Variants in GPX7 observed in about 807,000 individuals in gnomAD.
GPX7 encodes protein peroxidase GPX7.
GPX7 carries 21 observed loss-of-function variants against 23.7 expected under a neutral mutation model. That is an observed-to-expected ratio of 0.89 (90% CI 0.63 to 1.28). The LOEUF is 1.28. GPX7 is among the 50% of genes most tolerant of loss of function. The probability of loss-of-function intolerance (pLI) is 0.00; values close to 1 mark genes in which losing one functional copy is unlikely to be tolerated. For missense variants in GPX7, 238 were observed against 237.3 expected (o/e 1.00, Z -0.02); for synonymous variants, 112 against 101.8 (o/e 1.10, Z -0.61).
At position 52,608,645 on chromosome 1, in the gene GPX7, C is replaced by T; in HGVS notation, c.*220C>T. ...CTCCTGGCCAATGAGAGCTCTTGAC[C>T]AGTGAATCACCAGCCGATACGAACG... On this transcript the variant is annotated 3_prime_UTR_variant, in exon 3 of 3. Coordinates refer to ENST00000361314, the MANE Select transcript of GPX7 (RefSeq NM_015696.5). The T allele has an allele frequency of 2.9e-6, 1 of 342,594 alleles. No homozygotes were observed. The highest frequency in any genetic ancestry group is 5.3e-6 in the Non-Finnish European group (1 of 188,940). 21.2% of individuals were successfully genotyped at this position (342,594 alleles called of 1,614,324 possible). A position where few individuals can be genotyped will look rare whatever the true frequency, so the allele number is the denominator to read the frequency against.
Position 52,602,544 on chromosome 1 carries a change from A to C in GPX7, c.135A>C (p.Gly45=), listed in dbSNP as rs150886014. The part of the protein sequence containing the change: ...GKLVSLEKYR[G]SVSLVVNVAS... ...TGGTGTCGCTGGAGAAGTACCGCGG[A>C]TCGGTGAGTGCGCGGGGTCTGGCGG... The change falls in exon 1 of 3, where the codon GGA becomes GGC. Residue 45 remains glycine, a synonymous_variant. Coordinates refer to ENST00000361314, the MANE Select transcript of GPX7 (RefSeq NM_015696.5). 16 of 1,556,578 alleles carry C rather than the reference A, an allele frequency of 1.0e-5. No individual in the cohort carries two copies. In the African/African-American group the frequency reaches 1.4e-4, roughly 14 times the overall value.
At chr1:52,605,092 G>A (rs1487761824) in intron 1 of GPX7, among the ~76,000 whole-genome samples, 1 of 150,740 alleles carries the variant, frequency 6.6e-6, no homozygotes, top group Non-Finnish European at 1.5e-5. Context: ...TCATTGCCCA[G>A]GGATCCAGCA....
In GPX7 at chr1:52,608,286, G is replaced by A; in HGVS notation, c.425G>A (p.Trp142Ter). The A allele has an allele frequency of 2.5e-6, 4 of 1,612,880 alleles. No homozygotes were observed. The highest frequency in any genetic ancestry group is 1.1e-5 in the South Asian group (1 of 91,002). ...LAQTSGKEPTWNFWKYLVAPD... is the reference protein window; with the variant it reads ...LAQTSGKEPT ...GAGACTTCTGGGAAGGAGCCCACCT[G>A]GAACTTCTGGAAGTACCTAGTAGCC... is the stretch of plus-strand genomic sequence containing the variant. Residue 142 changes from tryptophan to a stop codon, truncating the protein, a stop_gained, in exon 3 of 3, where the codon TGG becomes TAG. Transcript: ENST00000361314. LOFTEE classifies it high-confidence loss of function.
chr1:52,607,036 G>A lies in GPX7; in HGVS notation c.400+91G>A. 5 of 1,448,118 alleles carry A rather than the reference G, an allele frequency of 3.5e-6. No individual in the cohort carries two copies. The South Asian group carries it at 3.8e-5, about 11-fold the overall frequency. 89.7% of individuals were successfully genotyped at this position (1,448,118 alleles called of 1,614,324 possible). On this transcript the variant is annotated intron_variant, in intron 2 of 2. Transcript: ENST00000361314. ...AGCAGAAGCCACTGGCTGGTTGGGT[G>A]ACCTGGGGCCCCTTCCCCTTCCTGA...
chr1:52,603,710 G>A (rs1198501426), intron 1 of GPX7, among the ~76,000 whole-genome samples: 2 of 152,182 alleles, frequency 1.3e-5, no homozygotes, highest in African/African-American at 2.4e-5. Flanking sequence ...TGAAATTTTC[G>A]ATTATGCTGG....
chr1:52,604,596 A>G (rs1374756222), intron 1 of GPX7, among the ~76,000 whole-genome samples: 1 of 152,112 alleles, frequency 6.6e-6, no homozygotes, highest in Admixed American at 6.5e-5. Flanking sequence ...CTGTGCTTGT[A>G]TATGTACATA....
At chr1:52,604,295 G>C (rs1217919603) in intron 1 of GPX7, among the ~76,000 whole-genome samples, 1 of 152,214 alleles carries the variant, frequency 6.6e-6, no homozygotes, top group Non-Finnish European at 1.5e-5. Flanking sequence ...GTCCAGAAAA[G>C]CTGTAATTGG....
At chr1:52,606,104 A>G (rs775899385) in intron 1 of GPX7, among the ~76,000 whole-genome samples, 9 of 152,142 alleles carry the variant, frequency 5.9e-5, no homozygotes, top group Non-Finnish European at 1.0e-4. Flanking sequence ...GTGCACACTT[A>G]CTCATTCATC....
chr1:52,607,861 G>T (rs1049307274), intron 2 of GPX7, among the ~76,000 whole-genome samples: 1 of 138,854 alleles, frequency 7.2e-6, no homozygotes, highest in African/African-American at 2.5e-5. Flanking sequence ...CAGGGCCCAA[G>T]AATCTTTATT....
At chr1:52,602,600 G>A (rs1277493927) in intron 1 of GPX7, 53 bp downstream of exon 1, 3 of 1,240,998 alleles carry the variant, frequency 2.4e-6, no homozygotes, top group Non-Finnish European at 3.3e-6. Flanking sequence ...CCCTGGCGGG[G>A]CCTGCTGGGG....
At position 52,606,953 on chromosome 1, in the gene GPX7, C is replaced by G; in HGVS notation, c.400+8C>G. The G allele has an allele frequency of 6.2e-7, 1 of 1,613,304 alleles. No homozygotes were observed. The highest frequency in any genetic ancestry group is 8.5e-7 in the Non-Finnish European group (1 of 1,179,356). On this transcript the variant is annotated splice_region_variant and intron_variant, in intron 2 of 2. Transcript: ENST00000361314. ...CCTTCAAGTACCTGGCCCGTAAGTC[C>G]TGGTCTCTTCATCCCCTCACACCTC... is the stretch of plus-strand genomic sequence containing the variant.
Position 52,608,602 on chromosome 1 carries a change from T to C in GPX7, c.*177T>C, listed in dbSNP as rs1690880526. 4.5e-6 allele frequency: 2 copies of C among 442,660 alleles called. No homozygotes were observed. The highest frequency in any genetic ancestry group is 6.3e-5 in the South Asian group (1 of 15,858). The allele number at this position is 442,660 out of a possible 1,614,324, so 27.4% of individuals were successfully genotyped here. The stretch of plus-strand genomic sequence containing the variant: ...TCTAGTATTTTGATTATTTGAATCT[T>C]ACAGCAACAAATAGGAACTCCTGGC... On this transcript the variant is annotated 3_prime_UTR_variant, in exon 3 of 3. Transcript: ENST00000361314.
intron 1 of GPX7, 60 bp downstream of exon 1, chr1:52,602,607 G>C (rs1367817286): frequency 7.8e-6 from 9 of 1,154,350 alleles, no homozygotes; most frequent in Non-Finnish European, 9.4e-6. Flanking sequence ...GGGGCCTGCT[G>C]GGGACGCCCC....
Position 52,608,278 on chromosome 1 carries a change from G to A in GPX7, c.417G>A (p.Glu139=), listed in dbSNP as rs753562410. The A allele has an allele frequency of 6.2e-7, 1 of 1,612,206 alleles. No homozygotes were observed. Among genetic ancestry groups the A allele is most frequent in the African/African-American group, 1.3e-5 (1 of 74,788 alleles). ...TTTCTCTAGAGACTTCTGGGAAGGAGCCCACCTGGAACTTCTGGAAGTACC... is the reference window on the plus strand; with the variant it reads ...TTTCTCTAGAGACTTCTGGGAAGGAACCCACCTGGAACTTCTGGAAGTACC... The part of the protein sequence containing the change: ...FKYLAQTSGK[E]PTWNFWKYLV... The change falls in exon 3 of 3, where the codon GAG becomes GAA. Residue 139 remains glutamate (E), a synonymous_variant. Coordinates refer to ENST00000361314, the MANE Select transcript of GPX7 (RefSeq NM_015696.5).
intron 2 of GPX7, 23 bp downstream of exon 2, chr1:52,606,968 C>A: frequency 6.2e-7 from 1 of 1,608,854 alleles, no homozygotes; most frequent in South Asian, 1.1e-5. Flanking sequence ...CTCTTCATCC[C>A]CTCACACCTC....
At position 52,606,943 on chromosome 1, in the gene GPX7, C is replaced by A; in HGVS notation, c.398C>A (p.Ala133Asp). 6.2e-7 allele frequency: 1 copy of A among 1,613,870 alleles called. No homozygotes were observed. Among genetic ancestry groups the A allele is most frequent in the Non-Finnish European group, 8.5e-7 (1 of 1,179,820 alleles). The change falls in exon 2 of 3, where the codon GCC becomes GAC. Residue 133 changes from alanine to aspartate, a missense_variant and splice_region_variant. Physicochemically the swap from Ala to Asp is moderately radical, Grantham distance 126. Transcript: ENST00000361314. ...GCCCATCCTGCCTTCAAGTACCTGGCCCGTAAGTCCTGGTCTCTTCATCCC... is the reference window on the plus strand; with the variant it reads ...GCCCATCCTGCCTTCAAGTACCTGGACCGTAAGTCCTGGTCTCTTCATCCC... The part of the protein sequence containing the change: ...TGAHPAFKYL[A>D]QTSGKEPTWN...
chr1:52,602,766 GC>G (rs1433190419), intron 1 of GPX7, among the ~76,000 whole-genome samples: 1 of 151,880 alleles, frequency 6.6e-6, no homozygotes, highest in African/African-American at 2.4e-5. Flanking sequence ...ACGTGGCACG[GC>G]CTTGGCGCGG....
rs376623394 is a variant in GPX7 at position 52,606,681 on chromosome 1, C to T, written c.139-3C>T. 1.0e-4 allele frequency: 162 copies of T among 1,612,080 alleles called. 1 individual carries two copies. Among genetic ancestry groups the T allele is most frequent in the Non-Finnish European group, 1.3e-4 (153 of 1,179,470 alleles). On this transcript the variant is annotated splice_region_variant and splice_polypyrimidine_tract_variant and intron_variant, in intron 1 of 2. Transcript: ENST00000361314. ...TTTGTTTTGTTTTGTTTCTGTCATA[C>T]AGGTGTCCCTGGTGGTGAATGTGGC...
chr1:52,608,583 AT>A lies in GPX7; in HGVS notation c.*162del, dbSNP rs35180794. ...ATTCTTGTGGGGGAAAAATTCTAGT[AT>A]TTTGATTATTTGAATCTTACAGCAA... is the stretch of plus-strand genomic sequence containing the variant. On this transcript the variant is annotated 3_prime_UTR_variant, in exon 3 of 3. Transcript: ENST00000361314. 5,953 of 504,266 alleles carry A rather than the reference AT, an allele frequency of 0.012. 304 individuals are homozygous for A. The highest frequency in any genetic ancestry group is 0.1 in the African/African-American group (5,222 of 50,830). The allele number at this position is 504,266 out of a possible 1,614,324, so 31.2% of individuals were successfully genotyped here. A position where few individuals can be genotyped will look rare whatever the true frequency, so the allele number is the denominator to read the frequency against.
Sources: allele counts gnomAD v4.1 joint callset (sites outside exome capture counted in the v4.1 genomes callset), GRCh38; gene constraint gnomAD v4.1.1; transcripts MANE v1.5; gene names NCBI Gene and HGNC (gene_info 2026-07-23, HGNC 2026-07-21).